Variants in KCMF1 observed in about 807,000 individuals in gnomAD.
KCMF1 encodes potassium channel modulatory factor 1.
A neutral mutation model predicts 41.1 loss-of-function variants in KCMF1; 3 were observed. The ratio of observed to expected loss-of-function variants is 0.07; its 90% CI spans 0.03 to 0.19. The LOEUF is 0.19. Ranked by LOEUF, KCMF1 falls within the 10% of genes least tolerant of loss-of-function variation. KCMF1 has a pLI of 1.00. For synonymous variants in KCMF1, 142 were observed against 164.5 expected (o/e 0.86, Z 1.04); for missense variants, 286 against 488.9 (o/e 0.58, Z 3.91).
At chr2:84,985,870 A>T (rs1282522761) in intron 1 of KCMF1, among the ~76,000 whole-genome samples, 2 of 152,100 alleles carry the variant, frequency 1.3e-5, no homozygotes, top group African/African-American at 4.8e-5. Context: ...GGTCATCTAC[A>T]TACATTAGCA....
Position 85,055,243 on chromosome 2 carries a change from T to G in KCMF1, c.*1834T>G, listed in dbSNP as rs1288766082. 6.6e-6 allele frequency: 1 copy of G among 152,254 alleles called. No individual in the cohort carries two copies. The highest frequency in any genetic ancestry group is 2.4e-5 in the African/African-American group (1 of 41,474). The allele number at this position is 152,254 out of a possible 1,614,324, so 9.4% of individuals were successfully genotyped here. A position where few individuals can be genotyped will look rare whatever the true frequency, so the allele number is the denominator to read the frequency against. The stretch of plus-strand genomic sequence containing the variant: ...TTTCAATAAAGCATTTTCAAGACTG[T>G]TGACCACTTGAATTTCTTTGGTGTT... On this transcript the variant is annotated 3_prime_UTR_variant, in exon 7 of 7. Coordinates refer to ENST00000409785, the MANE Select transcript of KCMF1 (RefSeq NM_020122.5).
At chr2:84,972,665 C>A (rs1673430881) in intron 1 of KCMF1, among the ~76,000 whole-genome samples, 1 of 152,150 alleles carries the variant, frequency 6.6e-6, no homozygotes, top group African/African-American at 2.4e-5. Context: ...GAAGGATATT[C>A]TTTGGGAAAT....
intron 1 of KCMF1, among the ~76,000 whole-genome samples, chr2:84,998,358 C>G (rs112886312): frequency 0.13 from 19,531 of 151,916 alleles, 1,775 homozygotes; most frequent in East Asian, 0.35. Flanking sequence ...GCCTCCCAAA[C>G]TGCTGGGATT....
At chr2:85,038,904 G>A (rs912013714) in intron 3 of KCMF1, among the ~76,000 whole-genome samples, 1 of 152,300 alleles carries the variant, frequency 6.6e-6, no homozygotes, top group African/African-American at 2.4e-5. Flanking sequence ...TATTTTGGTA[G>A]AGACTTCGTC....
chr2:85,047,987 A>G (rs1675712309), intron 5 of KCMF1, among the ~76,000 whole-genome samples: 1 of 152,188 alleles, frequency 6.6e-6, no homozygotes, highest in Admixed American at 6.5e-5. Flanking sequence ...GAGCAGAAAG[A>G]TAACTGTTGG....
At chr2:85,026,488 TATTA>T (rs1675107798) in intron 1 of KCMF1, among the ~76,000 whole-genome samples, 1 of 146,852 alleles carries the variant, frequency 6.8e-6, no homozygotes, top group African/African-American at 2.5e-5. Context: ...TTATTATTAT[TATTA>T]TTATTTTTAT....
chr2:84,981,449 A>G (rs1180945735), intron 1 of KCMF1, among the ~76,000 whole-genome samples: 1 of 152,020 alleles, frequency 6.6e-6, no homozygotes, highest in East Asian at 1.9e-4. Context: ...TCGGCCTCCC[A>G]AAGTGCTGGG....
chr2:85,019,678 T>A (rs1204038096), intron 1 of KCMF1, among the ~76,000 whole-genome samples: 1 of 152,094 alleles, frequency 6.6e-6, no homozygotes, highest in Non-Finnish European at 1.5e-5. Flanking sequence ...GTGAATCTTA[T>A]GTTGTAAGAA....
chr2:85,033,334 A>C (rs1303824294), intron 2 of KCMF1, among the ~76,000 whole-genome samples: 2 of 152,146 alleles, frequency 1.3e-5, no homozygotes, highest in Non-Finnish European at 2.9e-5. Context: ...AACACACTGA[A>C]TATACTTTAA....
chr2:85,020,878 T>C (rs1674915607), intron 1 of KCMF1, among the ~76,000 whole-genome samples: 1 of 152,078 alleles, frequency 6.6e-6, no homozygotes, highest in Non-Finnish European at 1.5e-5. Flanking sequence ...TACAACTTTT[T>C]TTCTTTTATT....
At chr2:85,037,751 T>C (rs1224103813) in intron 3 of KCMF1, among the ~76,000 whole-genome samples, 1 of 152,226 alleles carries the variant, frequency 6.6e-6, no homozygotes, top group Non-Finnish European at 1.5e-5. Context: ...GTTACCTGCA[T>C]GTGTCCTCTA....
intron 1 of KCMF1, among the ~76,000 whole-genome samples, chr2:84,993,625 G>C (rs1344397544): frequency 6.6e-5 from 10 of 151,584 alleles, no homozygotes; most frequent in Admixed American, 2.0e-4. Context: ...CCCCAGGCTG[G>C]AGTGCAATGG....
intron 1 of KCMF1, chr2:85,014,160 A>T (rs1015372274): frequency 6.6e-6 from 1 of 152,242 alleles, no homozygotes; most frequent in East Asian, 1.9e-4. Context: ...AACCTCTGAA[A>T]ATAAATATCT....
At chr2:84,997,004 A>G (rs1277293602) in intron 1 of KCMF1, among the ~76,000 whole-genome samples, 1 of 152,164 alleles carries the variant, frequency 6.6e-6, no homozygotes, top group African/African-American at 2.4e-5. Context: ...TGTACTGAAT[A>G]CTGTAGGTAA....
intron 1 of KCMF1, among the ~76,000 whole-genome samples, chr2:85,007,103 A>C (rs1286360513): frequency 6.8e-6 from 1 of 147,276 alleles, no homozygotes; most frequent in African/African-American, 2.5e-5. Context: ...CTCAGTCTCA[A>C]AAAAAAAAAA....
intron 1 of KCMF1, among the ~76,000 whole-genome samples, chr2:85,018,628 T>C (rs1674848358): frequency 6.6e-6 from 1 of 152,034 alleles, no homozygotes; most frequent in Non-Finnish European, 1.5e-5. Flanking sequence ...GTTAACTCAG[T>C]TTTTGCAGAA....
At chr2:85,038,249 C>T (rs1301180911) in intron 3 of KCMF1, among the ~76,000 whole-genome samples, 1 of 152,150 alleles carries the variant, frequency 6.6e-6, no homozygotes, top group East Asian at 1.9e-4. Context: ...TGAACACTTA[C>T]TATAACTGTT....
At chr2:85,021,294 A>G (rs938235354) in intron 1 of KCMF1, among the ~76,000 whole-genome samples, 1 of 152,178 alleles carries the variant, frequency 6.6e-6, no homozygotes, top group African/African-American at 2.4e-5. Context: ...GGTGTATATT[A>G]TTGAGATCAA....
At chr2:85,021,028 C>T (rs916498544) in intron 1 of KCMF1, among the ~76,000 whole-genome samples, 2 of 152,170 alleles carry the variant, frequency 1.3e-5, no homozygotes, top group African/African-American at 2.4e-5. Flanking sequence ...CACCACCACA[C>T]TTAGCCAACT....
Sources: gnomAD v4.1 joint callset for allele counts (sites outside exome capture counted in the v4.1 genomes callset) on GRCh38, gnomAD v4.1.1 for gene constraint, MANE v1.5 for transcripts, NCBI Gene and HGNC (gene_info 2026-07-23, HGNC 2026-07-21) for gene names.